Variants in ADAMTS16 observed in about 807,000 individuals in gnomAD.
The protein encoded by ADAMTS16 is ADAM metallopeptidase with thrombospondin type 1 motif 16.
A neutral mutation model predicts 145.8 loss-of-function variants in ADAMTS16; 94 were observed. The ratio of observed to expected loss-of-function variants is 0.64; its 90% CI spans 0.55 to 0.77. The LOEUF is 0.77. ADAMTS16 is among the 30% of genes least tolerant of loss of function. The pLI is 0.00. For missense variants in ADAMTS16, 1,585 were observed against 1,591.5 expected (o/e 1.00, Z 0.07); for synonymous variants, 659 against 604.3 (o/e 1.09, Z -1.33).
intron 8 of ADAMTS16, among the ~76,000 whole-genome samples, chr5:5,199,091 T>C (rs1470397404): frequency 6.6e-6 from 1 of 152,116 alleles, no homozygotes; most frequent in Non-Finnish European, 1.5e-5. Flanking sequence ...CCCAAGGAAG[T>C]ATGTTGTGTT....
rs373972516 is a variant in ADAMTS16 at position 5,292,369 on chromosome 5, C to T, written c.2790-10899C>T. Among the ~76,000 whole-genome samples the T allele has an allele frequency of 8.9e-4, 136 of 152,034 alleles. 1 individual carries two copies. The highest frequency in any genetic ancestry group is 2.3e-3 in the South Asian group (11 of 4,808). ...AAAATTAGCCGGGCATGGAGGTGCA[C>T]GCCTGTAATCCCAGCTACTTGGGAG... On this transcript the variant is annotated intron_variant, in intron 18 of 22. Coordinates refer to ENST00000274181, the MANE Select transcript of ADAMTS16 (RefSeq NM_139056.4).
intron 9 of ADAMTS16, among the ~76,000 whole-genome samples, chr5:5,206,350 C>A (rs1370391909): frequency 1.8e-5 from 2 of 109,142 alleles, no homozygotes; most frequent in South Asian, 7.3e-4. Context: ...GGCGTGAACC[C>A]GGGAGGCGGA....
At position 5,191,746 on chromosome 5, in the gene ADAMTS16, A is replaced by C. The variant is rs1203732356; in HGVS notation, c.1269A>C (p.Thr423=). ...GCAGCTGCACGATTAATGAAGATAC[A>C]GGTCTTGGACTGGCCTTCACCATTG... ...KYRSCTINED[T]GLGLAFTIAH... Residue 423 remains threonine, a synonymous_variant, in exon 8 of 23, where the codon ACA becomes ACC. Coordinates refer to ENST00000274181, the MANE Select transcript of ADAMTS16 (RefSeq NM_139056.4). The C allele has an allele frequency of 2.5e-6, 4 of 1,613,740 alleles. No individual in the cohort carries two copies. Among genetic ancestry groups the C allele is most frequent in the Non-Finnish European group, 3.4e-6 (4 of 1,179,718 alleles).
intron 17 of ADAMTS16, among the ~76,000 whole-genome samples, chr5:5,258,318 G>A (rs1737867457): frequency 6.6e-6 from 1 of 152,196 alleles, no homozygotes; most frequent in Admixed American, 6.5e-5. Context: ...AACTCAAATA[G>A]AAATCAATGG....
chr5:5,171,251 A>G (rs1579286682), intron 3 of ADAMTS16, among the ~76,000 whole-genome samples: 2 of 152,154 alleles, frequency 1.3e-5, no homozygotes, highest in East Asian at 1.9e-4. Flanking sequence ...TCTAATTTGA[A>G]TGCCCTTTCT....
At chr5:5,227,245 C>T (rs544696311) in intron 11 of ADAMTS16, among the ~76,000 whole-genome samples, 2 of 152,362 alleles carry the variant, frequency 1.3e-5, no homozygotes, top group African/African-American at 2.4e-5. Context: ...GCATCTACTG[C>T]GTTTAGGTGT....
Position 5,182,163 on chromosome 5 carries a change from A to ATGC in ADAMTS16, c.622_623insGCT (p.Arg207_Ser208insCys). 1 of 1,614,112 alleles carries ATGC rather than the reference A, an allele frequency of 6.2e-7. No individual in the cohort carries two copies. On this transcript the variant is annotated inframe_insertion, in exon 4 of 23. Coordinates refer to ENST00000274181, the MANE Select transcript of ADAMTS16 (RefSeq NM_139056.4). ...CGCCATCCCACGTACTGTACAAGAG[A>ATGC]TCCACAGAGCCCCATGCTCCTGGGG...
intron 21 of ADAMTS16, among the ~76,000 whole-genome samples, chr5:5,308,218 C>T (rs1740265445): frequency 6.6e-6 from 1 of 152,222 alleles, no homozygotes; most frequent in Non-Finnish European, 1.5e-5. Flanking sequence ...GTGGCCTGTG[C>T]TCTGTCATTC....
chr5:5,232,659 A>G, intron 12 of ADAMTS16, 143 bp downstream of exon 12: 2 of 1,074,736 alleles, frequency 1.9e-6, no homozygotes, highest in Non-Finnish European at 2.6e-6. Context: ...GCTGGAGTGC[A>G]GTGGTGTGAT....
intron 10 of ADAMTS16, among the ~76,000 whole-genome samples, chr5:5,212,374 A>AT (rs1472516257): frequency 2.0e-5 from 3 of 151,632 alleles, no homozygotes; most frequent in Non-Finnish European, 4.4e-5. Context: ...CGCCTGGCTA[A>AT]TTTTTTTGTA....
At chr5:5,157,342 G>T (rs866578259) in intron 3 of ADAMTS16, among the ~76,000 whole-genome samples, 10 of 151,724 alleles carry the variant, frequency 6.6e-5, no homozygotes, top group African/African-American at 2.4e-4. Context: ...TACCAAATAA[G>T]GGATGTACTG....
At chr5:5,237,186 C>T in intron 14 of ADAMTS16, 87 bp downstream of exon 14, 1 of 1,400,662 alleles carries the variant, frequency 7.1e-7, no homozygotes, top group Non-Finnish European at 9.7e-7. Flanking sequence ...AAAGACTGGA[C>T]ATATGAGACA....
intron 21 of ADAMTS16, among the ~76,000 whole-genome samples, chr5:5,311,313 A>AAC (rs1561005038): frequency 2.3e-4 from 23 of 99,158 alleles, no homozygotes; most frequent in African/African-American, 8.8e-4. Flanking sequence ...AAAAAAAAAA[A>AAC]AAAACAAAAA....
intron 10 of ADAMTS16, among the ~76,000 whole-genome samples, chr5:5,222,037 T>C (rs552721669): frequency 1.3e-5 from 2 of 152,226 alleles, no homozygotes; most frequent in Non-Finnish European, 2.9e-5. Context: ...GTTCCATCAT[T>C]TCACAAGTCC....
chr5:5,155,248 AG>A (rs1224180331), intron 3 of ADAMTS16, among the ~76,000 whole-genome samples: 4 of 152,152 alleles, frequency 2.6e-5, no homozygotes, highest in Non-Finnish European at 5.9e-5. Context: ...AGGAACAGAT[AG>A]GAAGTCTGTT....
chr5:5,226,679 C>T (rs1351394036), intron 11 of ADAMTS16, among the ~76,000 whole-genome samples: 3 of 152,162 alleles, frequency 2.0e-5, no homozygotes, highest in South Asian at 2.1e-4. Context: ...TTCTTGATGG[C>T]ACCTCGTCTC....
At chr5:5,201,518 A>G (rs1735955479) in intron 9 of ADAMTS16, among the ~76,000 whole-genome samples, 1 of 152,128 alleles carries the variant, frequency 6.6e-6, no homozygotes, top group African/African-American at 2.4e-5. Context: ...AAATACTAAT[A>G]CTTCCAACAA....
chr5:5,303,592 G>C lies in ADAMTS16; in HGVS notation c.3012G>C (p.Lys1004Asn), dbSNP rs768978586. The change falls in exon 20 of 23, where the codon AAG becomes AAC. Residue 1004 changes from lysine to asparagine, a missense_variant. Around this residue, in one of 3 missense-constraint regions of ADAMTS16, gnomAD observed 834 missense variants for 811.7 expected, o/e 1.03. Transcript: ENST00000274181. ...PWAECSHTCG[K>N]GWRKRAVACK... ...TGCAGTGCTCACACACCTGTGGGAA[G>C]GGGTGGAGGAAGCGGGCAGTGGCCT... The C allele has an allele frequency of 1.2e-6, 2 of 1,614,190 alleles. No individual in the cohort carries two copies. The highest frequency in any genetic ancestry group is 1.7e-5 in the Admixed American group (1 of 60,032).
intron 17 of ADAMTS16, among the ~76,000 whole-genome samples, chr5:5,250,736 T>TGTGTGCGCGC (rs764397980): frequency 6.1e-4 from 87 of 141,810 alleles, no homozygotes; most frequent in African/African-American, 2.1e-3. Flanking sequence ...TGTGTGTGTG[T>TGTGTGCGCGC]GCGCGCACTC....
Sources: allele counts gnomAD v4.1 joint callset (sites outside exome capture counted in the v4.1 genomes callset), GRCh38; gene constraint gnomAD v4.1.1; regional missense constraint gnomAD v4.1.1; transcripts MANE v1.5; gene names NCBI Gene and HGNC (gene_info 2026-07-23, HGNC 2026-07-21).